The following C10orf67 variants were observed in gnomAD, a reference collection of about 807,000 sequenced individuals.
C10orf67 encodes the protein uncharacterized protein C10orf67, mitochondrial.
Under a neutral mutation model 35.6 loss-of-function variants are expected in C10orf67, and 60 were observed. That is an observed-to-expected ratio of 1.68 (90% CI 1.37 to 2.09). C10orf67 has a LOEUF of 2.09. Among genes scored for constraint, C10orf67 ranks in the 30% most tolerant of loss-of-function variants. C10orf67 has a pLI of 0.00. For missense variants in C10orf67, 474 were observed against 330.2 expected (o/e 1.44, Z -3.38); for synonymous variants, 167 against 115.8 (o/e 1.44, Z -2.84).
chr10:23,329,330 AAAAT>A (rs1393646941), intron 2 of C10orf67, among the ~76,000 whole-genome samples: 6 of 152,272 alleles, frequency 3.9e-5, no homozygotes, highest in East Asian at 3.9e-4. Context: ...AGATTTACCA[AAAAT>A]AAATACTTTA....
At chr10:23,255,763 A>C (rs1343264239) in intron 10 of C10orf67, among the ~76,000 whole-genome samples, 1 of 152,198 alleles carries the variant, frequency 6.6e-6, no homozygotes, top group Non-Finnish European at 1.5e-5. Context: ...GGTTATGTAA[A>C]TTGTGCTACT....
intron 10 of C10orf67, among the ~76,000 whole-genome samples, chr10:23,258,714 T>C (rs1317962397): frequency 6.6e-6 from 1 of 152,122 alleles, no homozygotes; most frequent in African/African-American, 2.4e-5. Flanking sequence ...GAGCTTACAA[T>C]GAGATCATTC....
intron 15 of C10orf67, among the ~76,000 whole-genome samples, chr10:23,206,658 G>A (rs1841166237): frequency 6.6e-6 from 1 of 152,154 alleles, no homozygotes; most frequent in South Asian, 2.1e-4. Flanking sequence ...TTTGGTAAAT[G>A]CCTCATTCAT....
At chr10:23,289,461 AC>A (rs1554811495) in intron 7 of C10orf67, among the ~76,000 whole-genome samples, 1 of 152,102 alleles carries the variant, frequency 6.6e-6, no homozygotes, top group Non-Finnish European at 1.5e-5. Flanking sequence ...ACTGCGCCCC[AC>A]CTTGGAAATC....
At chr10:23,342,385 G>A (rs748494610) in intron 1 of C10orf67, among the ~76,000 whole-genome samples, 28 of 151,946 alleles carry the variant, frequency 1.8e-4, no homozygotes, top group Admixed American at 1.4e-3. Context: ...CTCCACAAAG[G>A]CCGGGCTTTC....
rs1294344715 is a variant in C10orf67 at position 23,333,146 on chromosome 10, G to A, written c.243C>T (p.Phe81=). 6.2e-7 allele frequency: 1 copy of A among 1,607,692 alleles called. No homozygotes were observed. Among genetic ancestry groups the A allele is most frequent in the South Asian group, 1.1e-5 (1 of 90,300 alleles). The stretch of plus-strand genomic sequence containing the variant: ...CAGTTTGAGTGGCATGGTCTGTGCT[G>A]AAAAAGCCAATCTTTAAATCATCTG... ...NISDDLKIGF[F]STDHATQTDS... Residue 81 remains phenylalanine (F), a synonymous_variant, in exon 2 of 16, where the codon TTC becomes TTT. Coordinates refer to ENST00000636213, the MANE Select transcript of C10orf67 (RefSeq NM_001371909.1).
intron 12 of C10orf67, among the ~76,000 whole-genome samples, chr10:23,241,672 GT>G (rs1341074605): frequency 1.3e-5 from 2 of 151,940 alleles, no homozygotes; most frequent in South Asian, 2.1e-4. Flanking sequence ...AATCACAAGG[GT>G]TTTTTTTAAA....
intron 8 of C10orf67, among the ~76,000 whole-genome samples, chr10:23,267,751 A>C (rs1842921057): frequency 6.6e-6 from 1 of 151,820 alleles, no homozygotes; most frequent in Non-Finnish European, 1.5e-5. Context: ...CTGAAAATAC[A>C]AAAAATTTTC....
intron 15 of C10orf67, among the ~76,000 whole-genome samples, chr10:23,209,392 C>A (rs966073186): frequency 1.3e-5 from 2 of 151,684 alleles, no homozygotes; most frequent in East Asian, 1.9e-4. Flanking sequence ...AAGAGGAGAG[C>A]GTTTGGAGAA....
At chr10:23,323,777 C>G (rs1184200591) in intron 2 of C10orf67, among the ~76,000 whole-genome samples, 1 of 148,450 alleles carries the variant, frequency 6.7e-6, no homozygotes, top group Non-Finnish European at 1.5e-5. Flanking sequence ...CCAAGTGTGG[C>G]AGTGCGCCCC....
At chr10:23,275,624 C>T (rs1463517070) in intron 8 of C10orf67, among the ~76,000 whole-genome samples, 5 of 152,110 alleles carry the variant, frequency 3.3e-5, no homozygotes, top group Admixed American at 3.3e-4. Context: ...CACACAGAGG[C>T]ACTCTAGCAT....
chr10:23,204,347 A>AT (rs540717239), intron 15 of C10orf67, 92 bp from the exon 16 acceptor site: 77 of 430,862 alleles, frequency 1.8e-4, no homozygotes, highest in South Asian at 6.0e-4. Context: ...ATTTTGCGTC[A>AT]TTTTTTTTAG....
At chr10:23,231,580 G>T (rs1651702175) in intron 13 of C10orf67, among the ~76,000 whole-genome samples, 2 of 152,102 alleles carry the variant, frequency 1.3e-5, no homozygotes, top group Non-Finnish European at 2.9e-5. Context: ...ATTTTTTGTT[G>T]TTGCAATCAC....
chr10:23,242,863 G>C (rs1842219012), intron 12 of C10orf67, among the ~76,000 whole-genome samples: 1 of 152,048 alleles, frequency 6.6e-6, no homozygotes, highest in African/African-American at 2.4e-5. Context: ...AAAACAACTT[G>C]TTAAGTAGTA....
intron 13 of C10orf67, among the ~76,000 whole-genome samples, chr10:23,224,580 G>A (rs975222538): frequency 2.0e-5 from 3 of 152,126 alleles, no homozygotes; most frequent in East Asian, 1.9e-4. Flanking sequence ...AAACTTCTCC[G>A]AGCTAAAGGA....
Position 23,204,213 on chromosome 10 carries a change from G to T in C10orf67, c.1613C>A (p.Pro538His). 1.5e-6 allele frequency: 1 copy of T among 651,746 alleles called. No individual in the cohort carries two copies. The highest frequency in any genetic ancestry group is 2.9e-6 in the Non-Finnish European group (1 of 348,486). 40.4% of individuals were successfully genotyped at this position (651,746 alleles called of 1,614,324 possible). A position where few individuals can be genotyped will look rare whatever the true frequency, so the allele number is the denominator to read the frequency against. ...TGCGGGGCTGCTCTGGCGCATGGAG[G>T]GCTCCTCCAAGGACTCTTCTTTTGG... Reference protein sequence around the residue: ...ESPKEESLEEPSMRQSSPAET... With the variant: ...ESPKEESLEEHSMRQSSPAET... Residue 538 changes from proline (P) to histidine (H), a missense_variant, in exon 16 of 16, where the codon CCC (proline) becomes CAC (histidine). Physicochemically the swap from Pro to His is moderately conservative, Grantham distance 77. Transcript: ENST00000636213.
At position 23,204,162 on chromosome 10, in the gene C10orf67, C is replaced by T; in HGVS notation, c.*11G>A. 1.7e-6 allele frequency: 1 copy of T among 576,314 alleles called. No individual in the cohort carries two copies. Among genetic ancestry groups the T allele is most frequent in the Non-Finnish European group, 3.2e-6 (1 of 312,184 alleles). The allele number at this position is 576,314 out of a possible 1,614,324, so 35.7% of individuals were successfully genotyped here. ...TGAGGCCCCGTCTGCGCAGCCCAGGCTTCTGCTGGGTTAATCAACAGTCTC... is the reference window on the plus strand; with the variant it reads ...TGAGGCCCCGTCTGCGCAGCCCAGGTTTCTGCTGGGTTAATCAACAGTCTC... On this transcript the variant is annotated 3_prime_UTR_variant, in exon 16 of 16. Coordinates refer to ENST00000636213, the MANE Select transcript of C10orf67 (RefSeq NM_001371909.1).
chr10:23,266,149 G>A (rs1588630950), intron 10 of C10orf67, 113 bp downstream of exon 10: 2 of 164,798 alleles, frequency 1.2e-5, no homozygotes, highest in African/African-American at 8.4e-5. Flanking sequence ...CCCCCACTCA[G>A]GGGGTGAGAA....
chr10:23,306,659 G>C (rs778918806), intron 4 of C10orf67, among the ~76,000 whole-genome samples: 2 of 152,060 alleles, frequency 1.3e-5, no homozygotes, highest in Non-Finnish European at 2.9e-5. Flanking sequence ...CTAACGTACA[G>C]TATGGTGACT....
Sources: gnomAD v4.1 joint callset for allele counts (sites outside exome capture counted in the v4.1 genomes callset) on GRCh38, gnomAD v4.1.1 for gene constraint, MANE v1.5 for transcripts, NCBI Gene and HGNC (gene_info 2026-07-23, HGNC 2026-07-21) for gene names.